The following DST variants were observed in gnomAD, a reference collection of about 807,000 sequenced individuals.
The protein encoded by DST is dystonin.
Under a neutral mutation model 875.2 loss-of-function variants are expected in DST, and 253 were observed. The observed-to-expected ratio is 0.29, with a 90% CI of 0.26 to 0.32. The LOEUF is 0.32. DST is among the 10% of genes least tolerant of loss of function. The probability of loss-of-function intolerance (pLI) is 1.00; values close to 1 mark genes in which losing one functional copy is unlikely to be tolerated. For missense variants in DST, 8,287 were observed against 9,111.6 expected, an observed-to-expected ratio of 0.91 and a Z score of 3.68; for synonymous variants, 3,124 against 3,197.1, an observed-to-expected ratio of 0.98 and a Z score of 0.77.
intron 10 of DST, among the ~76,000 whole-genome samples, chr6:56,665,578 G>A (rs909002277): frequency 3.9e-4 from 60 of 152,056 alleles, no homozygotes; most frequent in African/African-American, 1.4e-3. Flanking sequence ...AACCACCTCC[G>A]TTATGTAAAA....
intron 55 of DST, among the ~76,000 whole-genome samples, chr6:56,567,852 T>C (rs2097708438): frequency 6.6e-6 from 1 of 152,182 alleles, no homozygotes; most frequent in African/African-American, 2.4e-5. Context: ...AACTAAAAAC[T>C]ATACCCATAA....
At chr6:56,676,371 A>G (rs2099130188) in intron 9 of DST, among the ~76,000 whole-genome samples, 1 of 152,194 alleles carries the variant, frequency 6.6e-6, no homozygotes, top group South Asian at 2.1e-4. Flanking sequence ...CCCAGCTGAT[A>G]GCAAGTTTTG....
At chr6:56,629,666 TA>T (rs2098761355) in intron 31 of DST, among the ~76,000 whole-genome samples, 2 of 152,200 alleles carry the variant, frequency 1.3e-5, no homozygotes, top group Admixed American at 1.3e-4. Flanking sequence ...TTCAGCCTAA[TA>T]AAATTTGCAT....
chr6:56,741,803 T>A (rs1358198361), intron 4 of DST, among the ~76,000 whole-genome samples: 1 of 152,238 alleles, frequency 6.6e-6, no homozygotes, highest in Non-Finnish European at 1.5e-5. Flanking sequence ...TTTTAAACAA[T>A]TGAACTTTTA....
At chr6:56,652,107 CT>C (rs982031240) in intron 10 of DST, among the ~76,000 whole-genome samples, 1 of 152,074 alleles carries the variant, frequency 6.6e-6, no homozygotes, top group African/African-American at 2.4e-5. Context: ...ATGTGCCCCC[CT>C]ACACACACAC....
At chr6:56,634,643 C>T (rs1453096155) in intron 25 of DST, 27 bp from the exon 26 acceptor site, 1 of 1,613,652 alleles carries the variant, frequency 6.2e-7, no homozygotes, top group Non-Finnish European at 8.5e-7. Flanking sequence ...AGCAGAATAA[C>T]TCAATGAGGT....
chr6:56,600,610 G>A (rs906277360), intron 44 of DST, among the ~76,000 whole-genome samples: 6 of 152,038 alleles, frequency 3.9e-5, no homozygotes, highest in African/African-American at 1.4e-4. Context: ...TATTTGATAT[G>A]TGTATATAGG....
chr6:56,571,517 G>A (rs950027521), intron 53 of DST, among the ~76,000 whole-genome samples: 2 of 152,080 alleles, frequency 1.3e-5, no homozygotes, highest in South Asian at 2.1e-4. Flanking sequence ...AGCAAAATCC[G>A]ATGTATATTC....
intron 28 of DST, 30 bp downstream of exon 28, chr6:56,632,824 G>GA (rs1352913228): frequency 2.5e-6 from 4 of 1,601,690 alleles, no homozygotes; most frequent in African/African-American, 1.3e-5. Context: ...CACCTATGGG[G>GA]AAAAAAAGAC....
intron 5 of DST, among the ~76,000 whole-genome samples, chr6:56,729,396 G>A (rs1167315311): frequency 1.3e-5 from 2 of 152,060 alleles, no homozygotes; most frequent in Non-Finnish European, 2.9e-5. Context: ...TTCGAGACCA[G>A]CCTGACCAAC....
At chr6:56,730,381 C>T (rs536466474) in intron 5 of DST, among the ~76,000 whole-genome samples, 4 of 152,204 alleles carry the variant, frequency 2.6e-5, no homozygotes, top group Admixed American at 6.5e-5. Context: ...CCCCATTCCC[C>T]GAGAAAAGCA....
At chr6:56,584,401 T>C (rs988740883) in intron 49 of DST, among the ~76,000 whole-genome samples, 4 of 152,074 alleles carry the variant, frequency 2.6e-5, no homozygotes, top group African/African-American at 9.7e-5. Flanking sequence ...GTTTGTCTGT[T>C]ATGGGTGTAT....
chr6:56,636,678 A>G (rs745433853), intron 22 of DST, 26 bp from the exon 23 acceptor site: 3 of 1,582,588 alleles, frequency 1.9e-6, no homozygotes, highest in Admixed American at 3.3e-5. Context: ...GAGCCATCAT[A>G]ACTGACTGGG....
intron 36 of DST, chr6:56,615,858 A>G (rs750059311): frequency 3.1e-6 from 5 of 1,614,200 alleles, no homozygotes; most frequent in Non-Finnish European, 3.4e-6. Flanking sequence ...TCCACCACTG[A>G]CATCATTTTG....
chr6:56,596,007 TTTTA>T (rs1554444162), intron 47 of DST, among the ~76,000 whole-genome samples: 1 of 145,786 alleles, frequency 6.9e-6, no homozygotes, highest in Non-Finnish European at 1.5e-5. Context: ...ACTTTCTTTC[TTTTA>T]TTTATTTATT....
intron 4 of DST, among the ~76,000 whole-genome samples, chr6:56,753,389 C>G (rs952596166): frequency 4.6e-5 from 7 of 152,142 alleles, no homozygotes; most frequent in Non-Finnish European, 5.9e-5. Flanking sequence ...GCAGAAATAC[C>G]AGACCTCAAA....
intron 4 of DST, among the ~76,000 whole-genome samples, chr6:56,781,748 T>G (rs2099694494): frequency 6.6e-6 from 1 of 152,158 alleles, no homozygotes; most frequent in Admixed American, 6.5e-5. Flanking sequence ...GGCCAGAACT[T>G]TCAACACTAT....
At chr6:56,531,876 T>G (rs1427065519) in intron 64 of DST, among the ~76,000 whole-genome samples, 1 of 115,250 alleles carries the variant, frequency 8.7e-6, no homozygotes, top group African/African-American at 3.0e-5. Context: ...AAACTTAGCT[T>G]AACTGTCATT....
intron 63 of DST, 86 bp downstream of exon 63, chr6:56,535,036 A>G: frequency 2.7e-6 from 4 of 1,471,418 alleles, no homozygotes; most frequent in Non-Finnish European, 1.9e-6. Context: ...AGGTTATCCT[A>G]TTAATTAAAA....
Sources: allele counts gnomAD v4.1 joint callset (sites outside exome capture counted in the v4.1 genomes callset), GRCh38; gene constraint gnomAD v4.1.1; transcripts MANE v1.5; gene names NCBI Gene and HGNC (gene_info 2026-07-23, HGNC 2026-07-21).